MYL4: variants seen among roughly 807,000 people sequenced by gnomAD.
The protein encoded by MYL4 is atrial myosin light chain 1.
Under a neutral mutation model 21.6 loss-of-function variants are expected in MYL4, and 16 were observed. The observed-to-expected ratio is 0.74, with a 90% CI of 0.50 to 1.12. The LOEUF (loss-of-function observed/expected upper bound fraction) is 1.12, where lower values mean the gene tolerates loss of function less well. Among genes scored for constraint, MYL4 ranks in the 50% most tolerant of loss-of-function variants. MYL4 has a pLI of 0.00. For synonymous variants in MYL4, 82 were observed against 95.7 expected, an observed-to-expected ratio of 0.86 and a Z score of 0.83; for missense variants, 249 against 252.9, an observed-to-expected ratio of 0.98 and a Z score of 0.11.
intron 5 of MYL4, 85 bp downstream of exon 5, chr17:47,222,542 G>A: frequency 7.6e-7 from 1 of 1,324,174 alleles, no homozygotes; most frequent in Non-Finnish European, 1.1e-6. Flanking sequence ...GGAGCTGGAG[G>A]GTATGTGTCT....
At chr17:47,207,823 GT>G (rs1475110304), upstream of MYL4, among the ~76,000 whole-genome samples, 1 of 152,120 alleles carries the variant, frequency 6.6e-6, no homozygotes, top group East Asian at 1.9e-4. Context: ...AATACAGGAA[GT>G]GAAAAAAGTA....
intron 1 of MYL4, 33 bp from the exon 2 acceptor site, chr17:47,213,766 T>C (rs527507971): frequency 1.2e-6 from 2 of 1,613,634 alleles, no homozygotes; most frequent in African/African-American, 1.3e-5. Context: ...CTTTTAGCAA[T>C]CCAAGCCCTC....
At chr17:47,212,774 T>G (rs1185986479) in intron 1 of MYL4, among the ~76,000 whole-genome samples, 1 of 152,226 alleles carries the variant, frequency 6.6e-6, no homozygotes. Context: ...TTTGGGGATT[T>G]GGCTATTATC....
chr17:47,221,838 A>C lies in MYL4; in HGVS notation c.470A>C (p.His157Pro), dbSNP rs2064858585. The change falls in exon 4 of 7, where the codon CAC becomes CCC. Residue 157 changes from histidine to proline, a missense_variant. Physicochemically the swap from His to Pro is moderately conservative, Grantham distance 77. Coordinates refer to ENST00000393450, the MANE Select transcript of MYL4 (RefSeq NM_002476.2). ...ACGGTCATGGGTGCTGAGCTTCGGC[A>C]CGTCCTTGCCACCCTGGGTATGCCA... ...NGTVMGAELR[H>P]VLATLGEKMT... The C allele has an allele frequency of 6.2e-7, 1 of 1,613,616 alleles. No individual in the cohort carries two copies.
At chr17:47,212,256 T>C (rs1483234826) in intron 1 of MYL4, among the ~76,000 whole-genome samples, 1 of 152,212 alleles carries the variant, frequency 6.6e-6, no homozygotes, top group African/African-American at 2.4e-5. Flanking sequence ...TGATGACTTA[T>C]GCTTGGCCAT....
At chr17:47,199,717 C>T (rs73314399), upstream of MYL4, among the ~76,000 whole-genome samples, 2,222 of 144,744 alleles carry the variant, frequency 0.015, 50 homozygotes, top group African/African-American at 0.053. Context: ...GTGCTCAATA[C>T]ATGTTAGTTG....
chr17:47,196,637 T>G (rs2149036519), upstream of MYL4, among the ~76,000 whole-genome samples: 1 of 152,342 alleles, frequency 6.6e-6, no homozygotes, highest in East Asian at 1.9e-4. Context: ...CTATTTATTC[T>G]TCAAGCCTCA....
chr17:47,222,954 G>C, intron 5 of MYL4, 60 bp from the exon 6 acceptor site: 2 of 1,606,912 alleles, frequency 1.2e-6, no homozygotes, highest in Non-Finnish European at 1.7e-6. Context: ...GAAGGGACAA[G>C]TGGTTTATGG....
At chr17:47,225,716 A>T (rs2064882497), downstream of MYL4, among the ~76,000 whole-genome samples, 1 of 151,150 alleles carries the variant, frequency 6.6e-6, no homozygotes. Context: ...GGCTCTTAGG[A>T]CTCTTTTCCT....
chr17:47,206,744 A>G (rs2064729720), upstream of MYL4, among the ~76,000 whole-genome samples: 1 of 152,180 alleles, frequency 6.6e-6, no homozygotes, highest in African/African-American at 2.4e-5. Flanking sequence ...TTCCTTTTAA[A>G]ATAAGCAAGC....
chr17:47,195,177 G>C, the MYL4 span, among the ~76,000 whole-genome samples: 1 of 145,680 alleles, frequency 6.9e-6, no homozygotes, highest in Non-Finnish European at 1.5e-5. Flanking sequence ...TCCTGCCTCA[G>C]GCTCCTAAGT....
chr17:47,194,683 C>G, the MYL4 span, among the ~76,000 whole-genome samples: 3 of 152,028 alleles, frequency 2.0e-5, no homozygotes, highest in Non-Finnish European at 4.4e-5. Context: ...TCAGGACTTA[C>G]CTTCAGGTCT....
upstream of MYL4, among the ~76,000 whole-genome samples, chr17:47,205,651 G>A (rs1454545099): frequency 1.3e-5 from 2 of 152,146 alleles, no homozygotes; most frequent in East Asian, 1.9e-4. Flanking sequence ...TGCTGAAAAC[G>A]AATCCGAAAC....
At chr17:47,211,661 T>C (rs2064776539) in intron 1 of MYL4, among the ~76,000 whole-genome samples, 1 of 152,088 alleles carries the variant, frequency 6.6e-6, no homozygotes, top group African/African-American at 2.4e-5. Flanking sequence ...CCACAACTAG[T>C]TTTCTTTCCA....
upstream of MYL4, among the ~76,000 whole-genome samples, chr17:47,206,860 C>T (rs2064729996): frequency 2.0e-5 from 3 of 152,172 alleles, no homozygotes; most frequent in African/African-American, 7.2e-5. Flanking sequence ...TATATTTTTG[C>T]ACAAACTCCG....
Position 47,213,684 on chromosome 17 carries a change from C to T in MYL4, c.136-115C>T, listed in dbSNP as rs749704317. The T allele has an allele frequency of 2.5e-4, 254 of 997,032 alleles. 2 individuals are homozygous for T. The Middle Eastern group carries it at 3.3e-3, about 13-fold the overall frequency. The allele number at this position is 997,032 out of a possible 1,614,324, so 61.8% of individuals were successfully genotyped here. On this transcript the variant is annotated intron_variant, in intron 1 of 6. Transcript: ENST00000393450. ...GTCACCTTCCCTGCTTATCAGTGGC[C>T]TGCTGGAGGTGGCCATACTGCATTG...
chr17:47,201,175 T>A lies in MYL4; in HGVS notation c.-35+589T>A, dbSNP rs537597029. Among the ~76,000 whole-genome samples the A allele has an allele frequency of 2.0e-3, 298 of 152,154 alleles. 1 individual carries two copies. The highest frequency in any genetic ancestry group is 6.9e-3 in the African/African-American group (287 of 41,540). ...CAGAGTGAGACTCCGTCTCAAAAAA[T>A]AAATAAGTAAAAAATAAAGTGTTGT... On this transcript the variant is annotated intron_variant and NMD_transcript_variant, in intron 1 of 6. Transcript: ENST00000571981.
chr17:47,212,622 A>G (rs1014962490), intron 1 of MYL4, among the ~76,000 whole-genome samples: 1 of 152,268 alleles, frequency 6.6e-6, no homozygotes, highest in Non-Finnish European at 1.5e-5. Flanking sequence ...TGAGCCGAGC[A>G]GAGGAGGTGG....
At chr17:47,227,492 A>G (rs926223633), downstream of MYL4, among the ~76,000 whole-genome samples, 4 of 152,176 alleles carry the variant, frequency 2.6e-5, no homozygotes, top group Admixed American at 2.6e-4. Flanking sequence ...ACACTTTTCA[A>G]TAAAATTTAC....
Sources: allele counts gnomAD v4.1 joint callset (sites outside exome capture counted in the v4.1 genomes callset), GRCh38; gene constraint gnomAD v4.1.1; transcripts MANE v1.5; gene names NCBI Gene and HGNC (gene_info 2026-07-23, HGNC 2026-07-21).